Variants in DIP2C observed in about 807,000 individuals in gnomAD.
DIP2C encodes DIP2 acetate--CoA ligase C (putative), also known as disco-interacting protein 2 homolog C.
In DIP2C, 33 loss-of-function variants were observed where a neutral mutation model predicts 192.4. The ratio of observed to expected loss-of-function variants is 0.17; its 90% CI spans 0.13 to 0.23. The LOEUF (loss-of-function observed/expected upper bound fraction) is 0.23. Ranked by LOEUF, DIP2C falls within the 10% of genes least tolerant of loss-of-function variation. DIP2C has a pLI of 1.00. For synonymous variants in DIP2C, 979 were observed against 864.1 expected (o/e 1.13, Z -2.33); for missense variants, 1,537 against 2,110.1 (o/e 0.73, Z 5.32).
At chr10:632,892 C>T (rs1056341634) in intron 1 of DIP2C, among the ~76,000 whole-genome samples, 1 of 143,816 alleles carries the variant, frequency 7.0e-6, no homozygotes, top group African/African-American at 2.6e-5. Context: ...CCAGACTCCA[C>T]GGCCAGCACC....
chr10:415,335 A>G (rs867167135), intron 7 of DIP2C, among the ~76,000 whole-genome samples: 1 of 152,148 alleles, frequency 6.6e-6, no homozygotes, highest in African/African-American at 2.4e-5. Context: ...GTTTGTCTAA[A>G]AAGACCCAGG....
At chr10:389,867 T>C (rs1451146612) in intron 13 of DIP2C, 124 bp downstream of exon 13, 18 of 761,374 alleles carry the variant, frequency 2.4e-5, no homozygotes, top group Admixed American at 1.2e-4. Flanking sequence ...AATAAGTTCA[T>C]GTCAGCGGAG....
intron 3 of DIP2C, among the ~76,000 whole-genome samples, chr10:467,282 C>A (rs974658800): frequency 6.7e-6 from 1 of 150,278 alleles, no homozygotes; most frequent in African/African-American, 2.5e-5. Context: ...ATCGCAAAAA[C>A]GAAAAACCAA....
intron 1 of DIP2C, among the ~76,000 whole-genome samples, chr10:542,301 C>T (rs1848038463): frequency 6.6e-6 from 1 of 152,180 alleles, no homozygotes. Flanking sequence ...TGGTGCAGTG[C>T]CCAGAACGTC....
At chr10:396,463 T>C (rs1246898369) in intron 10 of DIP2C, among the ~76,000 whole-genome samples, 1 of 152,218 alleles carries the variant, frequency 6.6e-6, no homozygotes, top group Non-Finnish European at 1.5e-5. Flanking sequence ...AAAAGAATAA[T>C]TGTTACGAAT....
chr10:382,775 G>A lies in DIP2C; in HGVS notation c.1877-14C>T. The A allele has an allele frequency of 1.9e-6, 3 of 1,573,832 alleles. No individual in the cohort carries two copies. Among genetic ancestry groups the A allele is most frequent in the Non-Finnish European group, 2.6e-6 (3 of 1,149,432 alleles). On this transcript the variant is annotated splice_polypyrimidine_tract_variant and intron_variant, in intron 16 of 36. Transcript: ENST00000280886. Reference sequence around the variant, plus strand: ...AAGAAATAGACCCTAGAGTGAAAGAGGGACAATGATCAGACAGCTGAAGCA... The same window carrying A: ...AAGAAATAGACCCTAGAGTGAAAGAAGGACAATGATCAGACAGCTGAAGCA...
chr10:568,658 C>T (rs999949023), intron 1 of DIP2C, among the ~76,000 whole-genome samples: 4 of 148,904 alleles, frequency 2.7e-5, no homozygotes, highest in Admixed American at 2.0e-4. Context: ...CCCAGCTACT[C>T]GGGAGGCTGA....
At position 364,550 on chromosome 10, in the gene DIP2C, G is replaced by T. The variant is rs200183714; in HGVS notation, c.2301C>A (p.Ile767=). Residue 767 remains isoleucine, a synonymous_variant, in exon 20 of 37, where the codon ATC becomes ATA. Transcript: ENST00000280886. ...VFPMTSSGAP[I]SEYPFIRTGL... ...CTGTCCTTATGAATGGGTATTCACT[G>T]ATCGGAGCCCCGGAGCTTGTCATGG... The T allele has an allele frequency of 2.5e-6, 4 of 1,614,132 alleles. No homozygotes were observed. The East Asian group carries it at 8.9e-5, about 36-fold the overall frequency.
intron 1 of DIP2C, among the ~76,000 whole-genome samples, chr10:594,072 C>T (rs926992800): frequency 1.3e-5 from 2 of 152,188 alleles, no homozygotes; most frequent in East Asian, 1.9e-4. Context: ...ACAGAGCAGC[C>T]GTGCACAGAT....
intron 3 of DIP2C, among the ~76,000 whole-genome samples, chr10:455,335 G>GAGTAAATGAGATGA: frequency 1.4e-5 from 2 of 142,640 alleles, no homozygotes; most frequent in African/African-American, 2.6e-5. Flanking sequence ...AGACCGTGAG[G>GAGTAAATGAGATGA]AATAAATGAG....
intron 32 of DIP2C, among the ~76,000 whole-genome samples, chr10:298,414 C>T (rs1213121693): frequency 2.6e-5 from 4 of 152,234 alleles, no homozygotes; most frequent in African/African-American, 7.2e-5. Context: ...ATGGTGACCT[C>T]GCACTTAGCT....
chr10:364,835 T>C (rs916750499), intron 19 of DIP2C: 5 of 627,506 alleles, frequency 8.0e-6, no homozygotes, highest in Non-Finnish European at 1.5e-5. Context: ...CTCCTGCCTC[T>C]GAACCCTGAA....
At chr10:371,204 C>T (rs1404482397) in intron 17 of DIP2C, among the ~76,000 whole-genome samples, 1 of 149,820 alleles carries the variant, frequency 6.7e-6, no homozygotes. Flanking sequence ...CTGCACCATC[C>T]CCTCACCCTA....
At chr10:530,032 G>T (rs1191572182) in intron 1 of DIP2C, among the ~76,000 whole-genome samples, 1 of 151,992 alleles carries the variant, frequency 6.6e-6, no homozygotes, top group Non-Finnish European at 1.5e-5. Flanking sequence ...TGGTCTCTAA[G>T]GTGGATGCAC....
chr10:688,098 C>T (rs1831399916), intron 1 of DIP2C, among the ~76,000 whole-genome samples: 1 of 152,190 alleles, frequency 6.6e-6, no homozygotes, highest in Non-Finnish European at 1.5e-5. Flanking sequence ...TCCTTACCCA[C>T]CAAACGAGCT....
At chr10:545,367 G>A (rs73574227) in intron 1 of DIP2C, among the ~76,000 whole-genome samples, 23,550 of 151,516 alleles carry the variant, frequency 0.16, 2,917 homozygotes, top group African/African-American at 0.34. Flanking sequence ...AGGTTTCACT[G>A]CTGATCTGTA....
chr10:597,419 G>C (rs1004818335), intron 1 of DIP2C, among the ~76,000 whole-genome samples: 6 of 151,728 alleles, frequency 4.0e-5, no homozygotes, highest in African/African-American at 1.4e-4. Flanking sequence ...GTGGTCTTCA[G>C]AGTTTCCTTC....
intron 1 of DIP2C, among the ~76,000 whole-genome samples, chr10:544,505 C>T (rs1435247463): frequency 6.6e-6 from 1 of 152,210 alleles, no homozygotes; most frequent in African/African-American, 2.4e-5. Context: ...TTCTGAGGAA[C>T]TGCCAGACTT....
At chr10:612,150 A>G (rs1853138842) in intron 1 of DIP2C, among the ~76,000 whole-genome samples, 1 of 152,104 alleles carries the variant, frequency 6.6e-6, no homozygotes, top group Admixed American at 6.5e-5. Context: ...AAAATGAGCC[A>G]GCCATGGTGA....
Sources: allele counts gnomAD v4.1 joint callset (sites outside exome capture counted in the v4.1 genomes callset), GRCh38; gene constraint gnomAD v4.1.1; transcripts MANE v1.5; gene names NCBI Gene and HGNC (gene_info 2026-07-23, HGNC 2026-07-21).